The following PRELID2 variants were observed in gnomAD, a reference collection of about 807,000 sequenced individuals.
The protein encoded by PRELID2 is PRELI domain containing 2.
Under a neutral mutation model 28.4 loss-of-function variants are expected in PRELID2, and 25 were observed. The observed-to-expected ratio is 0.88, with a 90% CI of 0.64 to 1.23. The LOEUF (loss-of-function observed/expected upper bound fraction) is 1.23, where lower values mean the gene tolerates loss of function less well. Among genes scored for constraint, PRELID2 ranks in the 50% most tolerant of loss-of-function variants. The pLI is 0.00. For missense variants in PRELID2, 201 were observed against 214.4 expected (o/e 0.94, Z 0.39); for synonymous variants, 76 against 71.6 (o/e 1.06, Z -0.31).
chr5:145,553,448 G>C (rs1944842826), intron 1 of PRELID2, among the ~76,000 whole-genome samples: 1 of 152,156 alleles, frequency 6.6e-6, no homozygotes, highest in Non-Finnish European at 1.5e-5. Context: ...CGTGATCTCA[G>C]GCAAGTCATT....
chr5:145,256,646 C>T, the PRELID2 span, among the ~76,000 whole-genome samples: 1 of 151,744 alleles, frequency 6.6e-6, no homozygotes, highest in Admixed American at 6.6e-5. Flanking sequence ...TCAGCAAATC[C>T]CAGACAGGAA....
At chr5:145,563,555 T>C (rs935614792) in intron 1 of PRELID2, among the ~76,000 whole-genome samples, 2 of 152,234 alleles carry the variant, frequency 1.3e-5, no homozygotes, top group Non-Finnish European at 2.9e-5. Context: ...AAGTTGCTTA[T>C]GGTTGCACAG....
Position 145,765,012 on chromosome 5 carries a change from A to AG in PRELID2, c.475-13dup. 6.3e-7 allele frequency: 1 copy of AG among 1,583,018 alleles called. No homozygotes were observed. Among genetic ancestry groups the AG allele is most frequent in the Non-Finnish European group, 8.6e-7 (1 of 1,164,258 alleles). On this transcript the variant is annotated splice_polypyrimidine_tract_variant and intron_variant, in intron 5 of 6. Transcript: ENST00000683046. ...ATGATTCTAATTCCCTATAGAAAGA[A>AG]GGAAAAAAAATTAAAATGCCCTATT...
At chr5:145,483,194 T>C (rs1040612836) in intron 1 of PRELID2, among the ~76,000 whole-genome samples, 2 of 152,116 alleles carry the variant, frequency 1.3e-5, no homozygotes, top group Non-Finnish European at 2.9e-5. Context: ...GCAATGCCCA[T>C]CAAAATATAG....
chr5:145,404,615 T>G, the PRELID2 span, among the ~76,000 whole-genome samples: 1 of 152,132 alleles, frequency 6.6e-6, no homozygotes, highest in Non-Finnish European at 1.5e-5. Context: ...CACTTGCATA[T>G]CTTTCAGCAT....
chr5:145,632,356 A>T (rs1753944926), intron 1 of PRELID2, among the ~76,000 whole-genome samples: 1 of 152,240 alleles, frequency 6.6e-6, no homozygotes, highest in Non-Finnish European at 1.5e-5. Flanking sequence ...GTAATAACAA[A>T]AATTATAAAT....
the PRELID2 span, among the ~76,000 whole-genome samples, chr5:145,367,651 T>A: frequency 1.7e-4 from 26 of 152,094 alleles, no homozygotes; most frequent in Non-Finnish European, 3.4e-4. Context: ...ACTGATCTTT[T>A]TACTGTCTTC....
chr5:145,663,254 T>A (rs773619819), intron 1 of PRELID2, among the ~76,000 whole-genome samples: 1 of 152,110 alleles, frequency 6.6e-6, no homozygotes, highest in Non-Finnish European at 1.5e-5. Context: ...TGACAGACAT[T>A]ACTATTGATC....
Position 145,817,930 on chromosome 5 carries a change from T to C in PRELID2, c.332A>G (p.Glu111Gly), listed in dbSNP as rs751896851. Residue 111 changes from glutamate to glycine, a missense_variant, in exon 4 of 7, where the codon GAG becomes GGG. Coordinates refer to ENST00000683046, the MANE Select transcript of PRELID2 (RefSeq NM_205846.3). ...TTCCATACTTTCCCGGAAGACAGAC[T>C]CTTCCTTCATGGATGCATACTGTGT... ...TWTQYASMKE[E>G]SVFRESMENP... 4 of 1,571,554 alleles carry C rather than the reference T, an allele frequency of 2.5e-6. No individual in the cohort carries two copies. Among genetic ancestry groups the C allele is most frequent in the East Asian group, 2.3e-5 (1 of 44,230 alleles).
the PRELID2 span, among the ~76,000 whole-genome samples, chr5:145,445,118 G>A: frequency 3.6e-4 from 54 of 151,910 alleles, no homozygotes; most frequent in Middle Eastern, 3.4e-3. Context: ...TCACACTACC[G>A]GCCTTCAAAA....
At chr5:145,423,288 G>T in the PRELID2 span, among the ~76,000 whole-genome samples, 1 of 148,768 alleles carries the variant, frequency 6.7e-6, no homozygotes, top group Non-Finnish European at 1.5e-5. Context: ...GGCCTGCCTT[G>T]CTAGATTGGG....
At chr5:145,626,603 A>C (rs1753849228) in intron 1 of PRELID2, among the ~76,000 whole-genome samples, 1 of 152,180 alleles carries the variant, frequency 6.6e-6, no homozygotes, top group Non-Finnish European at 1.5e-5. Flanking sequence ...TTCTATGGAA[A>C]ACAGTATGGA....
intron 1 of PRELID2, among the ~76,000 whole-genome samples, chr5:145,475,767 C>T (rs1752095033): frequency 6.6e-6 from 1 of 152,090 alleles, no homozygotes; most frequent in Admixed American, 6.6e-5. Context: ...AGTTCACATG[C>T]TATAATTAAA....
chr5:145,319,258 T>C, the PRELID2 span, among the ~76,000 whole-genome samples: 14 of 152,306 alleles, frequency 9.2e-5, no homozygotes, highest in African/African-American at 3.4e-4. Context: ...CTGCTTCCTG[T>C]CCATATCACT....
At chr5:145,689,713 C>T (rs1350673219) in intron 1 of PRELID2, among the ~76,000 whole-genome samples, 1 of 152,140 alleles carries the variant, frequency 6.6e-6, no homozygotes, top group Non-Finnish European at 1.5e-5. Context: ...GAAGCCCACC[C>T]AACAGTCAGA....
At chr5:145,263,303 G>T in the PRELID2 span, among the ~76,000 whole-genome samples, 1 of 151,906 alleles carries the variant, frequency 6.6e-6, no homozygotes, top group African/African-American at 2.4e-5. Context: ...TGGTATAAAA[G>T]AAATTTAATA....
chr5:145,426,257 T>C, the PRELID2 span, among the ~76,000 whole-genome samples: 226 of 152,320 alleles, frequency 1.5e-3, no homozygotes, highest in Middle Eastern at 6.8e-3. Context: ...AGAAATAAGT[T>C]GTCCCCTCAA....
At chr5:145,517,573 G>C (rs1752527734) in intron 1 of PRELID2, among the ~76,000 whole-genome samples, 1 of 152,178 alleles carries the variant, frequency 6.6e-6, no homozygotes, top group Non-Finnish European at 1.5e-5. Flanking sequence ...CACTGTGGAA[G>C]ACCGTGTGGC....
At chr5:145,835,106 G>C in intron 1 of PRELID2, 71 bp downstream of exon 1, 1 of 1,081,018 alleles carries the variant, frequency 9.3e-7, no homozygotes, top group Non-Finnish European at 1.4e-6. Flanking sequence ...CTTCCGCGTG[G>C]ATGAAGGAGA....
Sources: allele counts gnomAD v4.1 joint callset (sites outside exome capture counted in the v4.1 genomes callset), GRCh38; gene constraint gnomAD v4.1.1; transcripts MANE v1.5; gene names NCBI Gene and HGNC (gene_info 2026-07-23, HGNC 2026-07-21).